Variants in TOPBP1 observed in about 807,000 individuals in gnomAD.
TOPBP1 encodes DNA topoisomerase 2-binding protein 1.
A neutral mutation model predicts 167.7 loss-of-function variants in TOPBP1; 28 were observed. The observed-to-expected ratio is 0.17, with a 90% CI of 0.12 to 0.23. TOPBP1 has a LOEUF of 0.23. TOPBP1 is among the 10% of genes least tolerant of loss of function. The probability of loss-of-function intolerance (pLI) is 1.00; values close to 1 mark genes in which losing one functional copy is unlikely to be tolerated. For synonymous variants in TOPBP1, 598 were observed against 611.4 expected (o/e 0.98, Z 0.32); for missense variants, 1,554 against 1,809.6 (o/e 0.86, Z 2.56).
At chr3:133,640,275 A>T in intron 12 of TOPBP1, 105 bp from the exon 13 acceptor site, 9 of 809,106 alleles carry the variant, frequency 1.1e-5, no homozygotes, top group African/African-American at 1.8e-5. Flanking sequence ...ATGTAAGTAT[A>T]AAAAAAAATA....
intron 17 of TOPBP1, 36 bp from the exon 18 acceptor site, chr3:133,623,493 C>A: frequency 6.4e-7 from 1 of 1,564,904 alleles, no homozygotes; most frequent in Non-Finnish European, 8.7e-7. Flanking sequence ...ACAGGACTGA[C>A]AAAATCTTAA....
chr3:133,647,508 G>A (rs753925785), intron 10 of TOPBP1, among the ~76,000 whole-genome samples: 43 of 152,264 alleles, frequency 2.8e-4, no homozygotes, highest in Non-Finnish European at 5.6e-4. Context: ...ATTCACAGAT[G>A]TTTTGATAGG....
At chr3:133,629,632 AGT>A (rs1309528285) in intron 14 of TOPBP1, among the ~76,000 whole-genome samples, 1 of 152,182 alleles carries the variant, frequency 6.6e-6, no homozygotes, top group African/African-American at 2.4e-5. Flanking sequence ...GCAAAGTATG[AGT>A]GTGTGTGTTT....
At chr3:133,604,762 T>C (rs1414879168) in intron 27 of TOPBP1, among the ~76,000 whole-genome samples, 1 of 151,570 alleles carries the variant, frequency 6.6e-6, no homozygotes, top group Non-Finnish European at 1.5e-5. Context: ...CTACTAAAAA[T>C]ACAAAAATTA....
rs368050295 is a variant in TOPBP1 at position 133,659,196 on chromosome 3, G to A, written c.85-46C>T. ...AGAATGTACCTGAAATTACTCTCCT[G>A]TATTTAGGTCCTATTCAAATTCCAT... On this transcript the variant is annotated intron_variant, in intron 2 of 27. Coordinates refer to ENST00000260810, the MANE Select transcript of TOPBP1 (RefSeq NM_007027.4). 9 of 1,483,676 alleles carry A rather than the reference G, an allele frequency of 6.1e-6. No homozygotes were observed. The African/African-American group carries it at 1.1e-4, about 19-fold the overall frequency. 91.9% of individuals were successfully genotyped at this position (1,483,676 alleles called of 1,614,324 possible).
At chr3:133,610,935 T>TA (rs906266675) in intron 25 of TOPBP1, 69 bp downstream of exon 25, 45 of 1,400,616 alleles carry the variant, frequency 3.2e-5, no homozygotes, top group Middle Eastern at 1.9e-4. Flanking sequence ...CATTCTCTTT[T>TA]AAAAAAAATG....
chr3:133,643,482 T>G, intron 11 of TOPBP1, 110 bp from the exon 12 acceptor site: 1 of 900,908 alleles, frequency 1.1e-6, no homozygotes, highest in Non-Finnish European at 1.6e-6. Context: ...GAAATTTTAC[T>G]TTAATACAAA....
chr3:133,638,795 T>C (rs990625868), intron 13 of TOPBP1, among the ~76,000 whole-genome samples: 2 of 152,138 alleles, frequency 1.3e-5, no homozygotes, highest in African/African-American at 4.8e-5. Context: ...TTTCAACATT[T>C]AACAAAAAAC....
At chr3:133,656,888 T>C in intron 4 of TOPBP1, 31 bp from the exon 5 acceptor site, 1 of 1,478,752 alleles carries the variant, frequency 6.8e-7, no homozygotes, top group Non-Finnish European at 9.0e-7. Flanking sequence ...ACATTAATGC[T>C]GAAGCAAACA....
At chr3:133,652,747 C>T in intron 7 of TOPBP1, 118 bp from the exon 8 acceptor site, 2 of 805,178 alleles carry the variant, frequency 2.5e-6, no homozygotes, top group Non-Finnish European at 3.8e-6. Context: ...AAGTAAGATT[C>T]AGGGGTGTTT....
chr3:133,605,627 C>A (rs1934465919), intron 27 of TOPBP1, among the ~76,000 whole-genome samples: 1 of 152,146 alleles, frequency 6.6e-6, no homozygotes, highest in Non-Finnish European at 1.5e-5. Context: ...TAAAAGGACT[C>A]TTCCTCAATC....
chr3:133,624,026 A>AT (rs751916505), intron 17 of TOPBP1, 26 bp downstream of exon 17: 1 of 1,602,314 alleles, frequency 6.2e-7, no homozygotes, highest in Admixed American at 1.7e-5. Context: ...ATTAACAGAG[A>AT]TGGGGGGGAA....
intron 16 of TOPBP1, 67 bp downstream of exon 16, chr3:133,628,295 C>T: frequency 1.4e-6 from 2 of 1,388,366 alleles, no homozygotes; most frequent in Non-Finnish European, 1.0e-6. Context: ...TAGATGCTCA[C>T]AATAGCTTTA....
At chr3:133,610,935 T>C (rs1307269253) in intron 25 of TOPBP1, 69 bp downstream of exon 25, 14 of 1,400,870 alleles carry the variant, frequency 1.0e-5, no homozygotes, top group African/African-American at 1.4e-5. Flanking sequence ...CATTCTCTTT[T>C]AAAAAAAATG....
chr3:133,651,820 T>A (rs886410032), intron 8 of TOPBP1, among the ~76,000 whole-genome samples: 4 of 152,166 alleles, frequency 2.6e-5, no homozygotes, highest in Non-Finnish European at 2.9e-5. Flanking sequence ...CAAGATAATA[T>A]CCATTTTAGA....
At chr3:133,614,744 G>A (rs139794099) in intron 23 of TOPBP1, among the ~76,000 whole-genome samples, 49 of 150,636 alleles carry the variant, frequency 3.3e-4, no homozygotes, top group African/African-American at 1.1e-3. Flanking sequence ...CCTCACCTAA[G>A]TTATCAGGGA....
At chr3:133,615,501 C>CTTTTTTTTGTT (rs1934840869) in intron 23 of TOPBP1, among the ~76,000 whole-genome samples, 1 of 151,768 alleles carries the variant, frequency 6.6e-6, no homozygotes, top group East Asian at 1.9e-4. Context: ...AAAACCCCAC[C>CTTTTTTTTGTT]AATATTTCTT....
At chr3:133,634,514 T>A (rs1380314718) in intron 14 of TOPBP1, among the ~76,000 whole-genome samples, 1 of 151,824 alleles carries the variant, frequency 6.6e-6, no homozygotes, top group African/African-American at 2.4e-5. Context: ...AGACTCTGTC[T>A]TAAAAAAAAA....
At position 133,649,879 on chromosome 3, in the gene TOPBP1, C is replaced by T. The variant is rs778306830; in HGVS notation, c.1154G>A (p.Gly385Asp). The T allele has an allele frequency of 6.2e-7, 1 of 1,612,652 alleles. No homozygotes were observed. The highest frequency in any genetic ancestry group is 8.5e-7 in the Non-Finnish European group (1 of 1,179,418). ...ATTTAGCTGGTTAAAACGAACTCCA[C>T]CTCCACTGTTAATAAGTCTTCTCAG... ...DKLRRLINSGGGVRFNQLNED... is the reference protein window; with the variant it reads ...DKLRRLINSGDGVRFNQLNED... Residue 385 changes from glycine (G) to aspartate (D), a missense_variant, in exon 9 of 28, where the codon GGT becomes GAT. Gly to Asp is a moderately conservative substitution (Grantham distance 94). Around this residue, in one of 3 missense-constraint regions of TOPBP1, gnomAD observed 1,197 missense variants for 1,351.5 expected, o/e 0.89. Transcript: ENST00000260810.
Sources: gnomAD v4.1 joint callset for allele counts (sites outside exome capture counted in the v4.1 genomes callset) on GRCh38, gnomAD v4.1.1 for gene constraint, gnomAD v4.1.1 regional missense constraint, MANE v1.5 for transcripts, NCBI Gene and HGNC (gene_info 2026-07-23, HGNC 2026-07-21) for gene names.